Variants in EPHA5 observed in about 807,000 individuals in gnomAD.
EPHA5 encodes EPH receptor A5.
Under a neutral mutation model 105.0 loss-of-function variants are expected in EPHA5, and 60 were observed. The ratio of observed to expected loss-of-function variants is 0.57; its 90% CI spans 0.46 to 0.71. The LOEUF (loss-of-function observed/expected upper bound fraction) is 0.71, where lower values mean the gene tolerates loss of function less well. Ranked by LOEUF, EPHA5 falls within the 30% of genes least tolerant of loss-of-function variation. The pLI, the probability that EPHA5 is intolerant of heterozygous loss-of-function variation, is 0.00. For synonymous variants in EPHA5, 513 were observed against 449.1 expected (o/e 1.14, Z -1.80); for missense variants, 1,218 against 1,274.7 (o/e 0.96, Z 0.68).
chr4:65,602,034 T>G lies in EPHA5; in HGVS notation c.517A>C (p.Lys173Gln). The G allele has an allele frequency of 6.2e-7, 1 of 1,614,190 alleles. No homozygotes were observed. Residue 173 changes from lysine to glutamine, a missense_variant, in exon 3 of 17, where the codon AAA becomes CAA. By Grantham distance (53) the Lys-to-Gln change is moderately conservative (BLOSUM62 1). Around this residue, in one of 3 missense-constraint regions of EPHA5, gnomAD observed 233 missense variants for 227.5 expected, o/e 1.02. Transcript: ENST00000613740. ...TCATCGGCAGCAATGGTATCAATTT[T>G]GATGTATTGGTTTTCCTTGATGTTT... ...GRNIKENQYI[K>Q]IDTIAADESF...
In EPHA5 at chr4:65,376,938, C is replaced by T. The variant is rs1719067719; in HGVS notation, c.1794-9514G>A. 24 of 1,418,124 alleles carry T rather than the reference C, an allele frequency of 1.7e-5. No individual in the cohort carries two copies. In the Middle Eastern group the frequency reaches 9.3e-4, roughly 55 times the overall value. 87.8% of individuals were successfully genotyped at this position (1,418,124 alleles called of 1,614,324 possible). ...CACAAATGGAGAAAGAAAAGGAATG[C>T]CGACGGTAATACATATAGGTGGACA... On this transcript the variant is annotated intron_variant, in intron 8 of 16. Transcript: ENST00000613740.
intron 3 of EPHA5, among the ~76,000 whole-genome samples, chr4:65,526,843 T>C (rs1479907322): frequency 2.6e-5 from 4 of 152,040 alleles, no homozygotes; most frequent in African/African-American, 9.7e-5. Flanking sequence ...TCTTCCTTTT[T>C]ATCTGCTTTT....
At chr4:65,466,267 G>A (rs897111079) in intron 5 of EPHA5, among the ~76,000 whole-genome samples, 1 of 152,246 alleles carries the variant, frequency 6.6e-6, no homozygotes, top group African/African-American at 2.4e-5. Flanking sequence ...GATGGTTCTC[G>A]GCAGACATAA....
chr4:65,644,364 T>A (rs1747939038), intron 1 of EPHA5, among the ~76,000 whole-genome samples: 1 of 152,030 alleles, frequency 6.6e-6, no homozygotes, highest in Non-Finnish European at 1.5e-5. Context: ...CAACCTATTA[T>A]ACCTATCCCA....
At chr4:65,661,813 G>C (rs1169801723) in intron 1 of EPHA5, among the ~76,000 whole-genome samples, 2 of 152,098 alleles carry the variant, frequency 1.3e-5, no homozygotes, top group Admixed American at 6.6e-5. Flanking sequence ...TCCTGGAAAG[G>C]GAAGGTGCTG....
intron 2 of EPHA5, among the ~76,000 whole-genome samples, chr4:65,618,527 G>A (rs1745440754): frequency 6.6e-6 from 1 of 152,100 alleles, no homozygotes; most frequent in Non-Finnish European, 1.5e-5. Flanking sequence ...TTTTAGATCT[G>A]ATCACTCTAC....
intron 2 of EPHA5, among the ~76,000 whole-genome samples, chr4:65,610,506 C>G (rs981306008): frequency 1.3e-5 from 2 of 150,556 alleles, no homozygotes; most frequent in East Asian, 2.0e-4. Context: ...ACATGTGCCC[C>G]GAGAACCTAA....
chr4:65,530,577 A>C (rs1735674814), intron 3 of EPHA5, among the ~76,000 whole-genome samples: 2 of 152,322 alleles, frequency 1.3e-5, no homozygotes, highest in South Asian at 4.1e-4. Context: ...AAATTGTAGA[A>C]ATCCAGCATA....
chr4:65,376,743 C>T (rs531216562), intron 8 of EPHA5, among the ~76,000 whole-genome samples: 3 of 151,910 alleles, frequency 2.0e-5, no homozygotes, highest in Admixed American at 6.6e-5. Context: ...ACTATAATCT[C>T]GTAACTCCCT....
chr4:65,579,587 T>C (rs928337230), intron 3 of EPHA5, among the ~76,000 whole-genome samples: 4 of 151,782 alleles, frequency 2.6e-5, no homozygotes, highest in African/African-American at 4.8e-5. Flanking sequence ...AATTACTAGT[T>C]ATTTCTCATT....
chr4:65,365,460 T>C (rs1420942670), intron 10 of EPHA5, among the ~76,000 whole-genome samples: 5 of 150,832 alleles, frequency 3.3e-5, no homozygotes, highest in Admixed American at 2.0e-4. Context: ...CTATCTCACT[T>C]ACAAAAACCT....
chr4:65,399,485 C>G (rs544274502), intron 8 of EPHA5, among the ~76,000 whole-genome samples: 1 of 152,302 alleles, frequency 6.6e-6, no homozygotes, highest in African/African-American at 2.4e-5. Flanking sequence ...TGCCCCTGGC[C>G]ACAGAGGCTT....
At chr4:65,464,575 T>C (rs1018926053) in intron 5 of EPHA5, among the ~76,000 whole-genome samples, 3 of 152,256 alleles carry the variant, frequency 2.0e-5, no homozygotes, top group African/African-American at 7.2e-5. Flanking sequence ...GATTGAATAA[T>C]GTACACATGA....
At chr4:65,579,093 C>A in intron 3 of EPHA5, among the ~76,000 whole-genome samples, 1 of 151,564 alleles carries the variant, frequency 6.6e-6, no homozygotes, top group African/African-American at 2.4e-5. Flanking sequence ...CTTTTATAGC[C>A]AGCAGGAAGG....
chr4:65,583,010 T>A (rs1741784701), intron 3 of EPHA5, among the ~76,000 whole-genome samples: 1 of 151,662 alleles, frequency 6.6e-6, no homozygotes, highest in Non-Finnish European at 1.5e-5. Context: ...TTGTTTTTAA[T>A]CTACAATTGA....
chr4:65,573,751 G>C, intron 3 of EPHA5: 1 of 1,609,032 alleles, frequency 6.2e-7, no homozygotes, highest in Non-Finnish European at 8.5e-7. Flanking sequence ...CCAGTTGGTG[G>C]TGACAAGAAC....
intron 14 of EPHA5, among the ~76,000 whole-genome samples, chr4:65,341,570 TTATA>T (rs1560429106): frequency 6.7e-6 from 1 of 149,696 alleles, no homozygotes; most frequent in African/African-American, 2.4e-5. Flanking sequence ...TATTTACATA[TTATA>T]TATATTATAT....
At chr4:65,422,115 G>A (rs1272928219) in intron 5 of EPHA5, among the ~76,000 whole-genome samples, 1 of 152,118 alleles carries the variant, frequency 6.6e-6, no homozygotes, top group Non-Finnish European at 1.5e-5. Context: ...ACAAACGCCA[G>A]TGTTTTCCAA....
At chr4:65,462,088 G>T (rs1179178926) in intron 5 of EPHA5, among the ~76,000 whole-genome samples, 1 of 152,012 alleles carries the variant, frequency 6.6e-6, no homozygotes, top group African/African-American at 2.4e-5. Context: ...CAGGGCTATT[G>T]GAGAAGTGTA....
Sources: gnomAD v4.1 joint callset for allele counts (sites outside exome capture counted in the v4.1 genomes callset) on GRCh38, gnomAD v4.1.1 for gene constraint, gnomAD v4.1.1 regional missense constraint, MANE v1.5 for transcripts, NCBI Gene and HGNC (gene_info 2026-07-23, HGNC 2026-07-21) for gene names.